ANKHD1: variants seen among roughly 807,000 people sequenced by gnomAD.
The protein encoded by ANKHD1 is ankyrin repeat and KH domain-containing protein 1.
Under a neutral mutation model 230.5 loss-of-function variants are expected in ANKHD1, and 31 were observed. That is an observed-to-expected ratio of 0.13 (90% confidence interval 0.10 to 0.18). The LOEUF (loss-of-function observed/expected upper bound fraction) is 0.18, where lower values mean the gene tolerates loss of function less well. ANKHD1 is among the 10% of genes least tolerant of loss of function. The pLI, the probability that ANKHD1 is intolerant of heterozygous loss-of-function variation, is 1.00. For synonymous variants in ANKHD1, 1,074 were observed against 1,117.6 expected, an observed-to-expected ratio of 0.96 and a Z score of 0.78; for missense variants, 2,256 against 3,071.3, an observed-to-expected ratio of 0.73 and a Z score of 6.27.
intron 10 of ANKHD1, among the ~76,000 whole-genome samples, chr5:140,466,011 T>A (rs745509420): frequency 6.6e-6 from 1 of 152,222 alleles, no homozygotes; most frequent in Non-Finnish European, 1.5e-5. Context: ...TTTAATACTC[T>A]TATCCTCTAA....
rs893101120 is a variant in ANKHD1, at chr5:140,539,273, T to C, written c.7570-86T>C. On this transcript the variant is annotated intron_variant, in intron 33 of 33. Transcript: ENST00000360839. ...GTGTATTCTTCCTAGGCAGAAACAG[T>C]GAATTGCCATTGCATTTATATATTC... The C allele has an allele frequency of 1.6e-5, 26 of 1,595,904 alleles. No homozygotes were observed. The African/African-American group carries it at 3.5e-4, about 22-fold the overall frequency.
At position 140,402,147 on chromosome 5, in the gene ANKHD1, CGGCGGCGGCAGCGGCAGCGGT is replaced by C; in HGVS notation, c.181_201del (p.Gly61_Gly67del). ...CAGCGTCGGGAGTCGGCAGCAGCGG[CGGCGGCGGCAGCGGCAGCGGT>C]ACGGGCGGAGGGGACGCGGCGCTGG... On this transcript the variant is annotated inframe_deletion, in exon 1 of 34. Transcript: ENST00000360839. 1 of 1,537,546 alleles carries C rather than the reference CGGCGGCGGCAGCGGCAGCGGT, an allele frequency of 6.5e-7. No homozygotes were observed. Among genetic ancestry groups the C allele is most frequent in the African/African-American group, 1.4e-5 (1 of 70,996 alleles).
At chr5:140,504,135 C>G (rs185243155) in intron 15 of ANKHD1, among the ~76,000 whole-genome samples, 1 of 151,866 alleles carries the variant, frequency 6.6e-6, no homozygotes, top group African/African-American at 2.4e-5. Context: ...TCACTGCAGC[C>G]TCCACCTGGG....
At chr5:140,463,586 A>G (rs1775873456) in intron 9 of ANKHD1, among the ~76,000 whole-genome samples, 1 of 152,140 alleles carries the variant, frequency 6.6e-6, no homozygotes, top group Non-Finnish European at 1.5e-5. Context: ...TCAGGAATTC[A>G]TTGGTCACCT....
chr5:140,466,700 C>T (rs1776116532), intron 10 of ANKHD1, among the ~76,000 whole-genome samples: 1 of 152,170 alleles, frequency 6.6e-6, no homozygotes, highest in Admixed American at 6.5e-5. Context: ...AATCCCAGCA[C>T]TTTGGGAGAC....
intron 1 of ANKHD1, among the ~76,000 whole-genome samples, chr5:140,406,640 A>G (rs1454503140): frequency 1.3e-5 from 2 of 150,014 alleles, no homozygotes; most frequent in Non-Finnish European, 3.0e-5. Flanking sequence ...TGCTTCCTGC[A>G]TTCAAGTGAT....
intron 10 of ANKHD1, among the ~76,000 whole-genome samples, chr5:140,472,837 A>G (rs1324047052): frequency 1.3e-5 from 2 of 152,152 alleles, no homozygotes; most frequent in Non-Finnish European, 2.9e-5. Context: ...TAAGAAGGTG[A>G]ATATTTTTTC....
At chr5:140,524,001 T>C (rs1476908608) in intron 24 of ANKHD1, 65 bp from the exon 25 acceptor site, 2 of 1,492,242 alleles carry the variant, frequency 1.3e-6, no homozygotes, top group Non-Finnish European at 1.8e-6. Flanking sequence ...CATAAAAATA[T>C]CATTTCATTC....
intron 10 of ANKHD1, among the ~76,000 whole-genome samples, chr5:140,481,087 G>A (rs1751253911): frequency 1.3e-5 from 2 of 151,910 alleles, no homozygotes. Context: ...AAAGAAGAGA[G>A]ACCAGTATGT....
At chr5:140,531,791 A>G (rs1753835747) in intron 29 of ANKHD1, among the ~76,000 whole-genome samples, 1 of 152,208 alleles carries the variant, frequency 6.6e-6, no homozygotes, top group East Asian at 1.9e-4. Context: ...CTGGCACACC[A>G]ATGTTCATAG....
chr5:140,520,016 C>T (rs1373796294), intron 24 of ANKHD1, among the ~76,000 whole-genome samples: 11 of 151,074 alleles, frequency 7.3e-5, no homozygotes, highest in South Asian at 2.1e-4. Context: ...AGAAAATTTT[C>T]GCAACCTACT....
At position 140,497,459 on chromosome 5, in the gene ANKHD1, G is replaced by GT. The variant is rs1354352009; in HGVS notation, c.3004+182dup. Among the ~76,000 whole-genome samples, 3 of 152,196 alleles carry GT rather than the reference G, an allele frequency of 2.0e-5. No individual in the cohort carries two copies. The East Asian group carries it at 5.8e-4, about 29-fold the overall frequency. On this transcript the variant is annotated intron_variant, in intron 15 of 33. Transcript: ENST00000360839. Reference sequence around the variant, plus strand: ...CTCAATAGCACTAACACACAAAAGTGTGTTTTCCCCTCTTCTTTTTTGTCA... The same window carrying GT: ...CTCAATAGCACTAACACACAAAAGTGTTGTTTTCCCCTCTTCTTTTTTGTCA...
intron 10 of ANKHD1, among the ~76,000 whole-genome samples, chr5:140,471,253 G>T (rs1300745549): frequency 6.6e-6 from 1 of 152,030 alleles, no homozygotes. Flanking sequence ...ACTTTGTTCA[G>T]CTATTTAAGT....
rs2127052571 is a variant in ANKHD1 at position 140,505,908 on chromosome 5, T to C, written c.3408+39T>C. 2.6e-6 allele frequency: 4 copies of C among 1,542,304 alleles called. No individual in the cohort carries two copies. The East Asian group carries it at 9.3e-5, about 36-fold the overall frequency. On this transcript the variant is annotated intron_variant, in intron 18 of 33. Coordinates refer to ENST00000360839, the MANE Select transcript of ANKHD1 (RefSeq NM_017747.3). The stretch of plus-strand genomic sequence containing the variant: ...AATTTTCATTTTGTAAATATTTTGC[T>C]TGTATTTTAAAATATGCATATGATT...
At chr5:140,491,568 T>C (rs1581332388) in intron 14 of ANKHD1, among the ~76,000 whole-genome samples, 1 of 152,296 alleles carries the variant, frequency 6.6e-6, no homozygotes, top group Admixed American at 6.5e-5. Flanking sequence ...TATCCACCTA[T>C]CTCTAGATTG....
intron 24 of ANKHD1, 43 bp from the exon 25 acceptor site, chr5:140,524,023 T>C: frequency 1.3e-6 from 2 of 1,534,824 alleles, no homozygotes; most frequent in Non-Finnish European, 8.7e-7. Flanking sequence ...TTATTTTACA[T>C]TACTGCCTTA....
intron 1 of ANKHD1, among the ~76,000 whole-genome samples, chr5:140,424,747 T>C (rs2126881204): frequency 6.6e-6 from 1 of 152,346 alleles, no homozygotes; most frequent in Admixed American, 6.5e-5. Flanking sequence ...GACAATATGA[T>C]TGTTAGGACA....
intron 1 of ANKHD1, among the ~76,000 whole-genome samples, chr5:140,419,816 T>TTC (rs1270883187): frequency 3.5e-5 from 5 of 142,342 alleles, no homozygotes; most frequent in African/African-American, 1.3e-4. Context: ...CTTTCTTTCT[T>TTC]TCTTTCTTTC....
At position 140,402,182 on chromosome 5, in the gene ANKHD1, A is replaced by T; in HGVS notation, c.215A>T (p.Asp72Val). 6.6e-7 allele frequency: 1 copy of T among 1,522,840 alleles called. No homozygotes were observed. The highest frequency in any genetic ancestry group is 2.1e-5 in the Admixed American group (1 of 47,870). 94.3% of individuals were successfully genotyped at this position (1,522,840 alleles called of 1,614,324 possible). A position where few individuals can be genotyped will look rare whatever the true frequency, so the allele number is the denominator to read the frequency against. ...AGCGGCAGCGGTACGGGCGGAGGGG[A>T]CGCGGCGCTGGATTTCAAGTTGGCG... ...GGSGSGTGGG[D>V]AALDFKLAAA... Residue 72 changes from aspartate (D) to valine (V), a missense_variant, in exon 1 of 34, where the codon GAC (aspartate) becomes GTC (valine). Physicochemically the swap from Asp to Val is radical, Grantham distance 152. Transcript: ENST00000360839.
Sources: gnomAD v4.1 joint callset for allele counts (sites outside exome capture counted in the v4.1 genomes callset) on GRCh38, gnomAD v4.1.1 for gene constraint, MANE v1.5 for transcripts, NCBI Gene and HGNC (gene_info 2026-07-23, HGNC 2026-07-21) for gene names.